The following KIF6 variants were observed in gnomAD, a reference collection of about 807,000 sequenced individuals.
The protein encoded by KIF6 is kinesin-like protein KIF6.
In KIF6, 106 loss-of-function variants were observed where a neutral mutation model predicts 112.7. That is an observed-to-expected ratio of 0.94 (90% CI 0.80 to 1.11). KIF6 has a LOEUF of 1.11. KIF6 is among the 50% of genes least tolerant of loss of function. KIF6 has a pLI of 0.00. For synonymous variants in KIF6, 339 were observed against 339.9 expected (o/e 1.00, Z 0.03); for missense variants, 929 against 964.0 (o/e 0.96, Z 0.48).
chr6:39,439,756 T>C (rs1308321881), intron 13 of KIF6, among the ~76,000 whole-genome samples: 1 of 152,058 alleles, frequency 6.6e-6, no homozygotes, highest in Non-Finnish European at 1.5e-5. Context: ...TACAACTTGG[T>C]ACTTTGGGAA....
chr6:39,510,670 G>A, intron 13 of KIF6, among the ~76,000 whole-genome samples: 1 of 151,980 alleles, frequency 6.6e-6, no homozygotes, highest in Non-Finnish European at 1.5e-5. Context: ...GCATCATAAT[G>A]GCAGGATCAA....
intron 13 of KIF6, among the ~76,000 whole-genome samples, chr6:39,513,543 A>G (rs1360382213): frequency 6.6e-6 from 1 of 152,134 alleles, no homozygotes; most frequent in Non-Finnish European, 1.5e-5. Context: ...TCCCACTCAG[A>G]CTTCCCTCTC....
At chr6:39,423,427 T>C (rs979926684) in intron 14 of KIF6, among the ~76,000 whole-genome samples, 1 of 152,116 alleles carries the variant, frequency 6.6e-6, no homozygotes, top group Non-Finnish European at 1.5e-5. Context: ...GTTCCTTGAA[T>C]GTTGATAATC....
In KIF6 at chr6:39,528,679, C is replaced by T. The variant is rs114913792; in HGVS notation, c.1645+11324G>A. ...ATAATAGCTATTCTGACAGGTGTGACTTGGTATCTTATTGCAGTTTTTAAT... is the reference window on the plus strand; with the variant it reads ...ATAATAGCTATTCTGACAGGTGTGATTTGGTATCTTATTGCAGTTTTTAAT... On this transcript the variant is annotated intron_variant, in intron 13 of 22. Coordinates refer to ENST00000287152, the MANE Select transcript of KIF6 (RefSeq NM_145027.6). Among the ~76,000 whole-genome samples, 970 of 152,242 alleles carry T rather than the reference C, an allele frequency of 6.4e-3. 11 individuals are homozygous for T. Among genetic ancestry groups the T allele is most frequent in the African/African-American group, 0.022 (929 of 41,512 alleles).
At chr6:39,416,773 GAGAAA>G (rs1361972519) in intron 15 of KIF6, among the ~76,000 whole-genome samples, 4 of 152,236 alleles carry the variant, frequency 2.6e-5, no homozygotes, top group Non-Finnish European at 5.9e-5. Flanking sequence ...CACAATGTCA[GAGAAA>G]AAACAAACTA....
chr6:39,460,888 T>C (rs987343290), intron 13 of KIF6, among the ~76,000 whole-genome samples: 3 of 152,240 alleles, frequency 2.0e-5, no homozygotes, highest in African/African-American at 7.2e-5. Context: ...TACTGCTTCC[T>C]TGGCTTAGAA....
At position 39,634,849 on chromosome 6, in the gene KIF6, G is replaced by A. The variant is rs764035532; in HGVS notation, c.509C>T (p.Pro170Leu). ...CATTCTTTGTTGTTCTGCTACTCAC[G>A]GCAAATCTTCCAAACTGGAGGCTTC... ...RHEASSLEDL[P>L]KVTILEDPDQ... Residue 170 changes from proline to leucine, a missense_variant and splice_region_variant, in exon 5 of 23, where the codon CCG (proline) becomes CTG (leucine). This residue lies in a region of KIF6 where 688 missense variants were observed against 662.7 expected (regional missense o/e 1.04). Coordinates refer to ENST00000287152, the MANE Select transcript of KIF6 (RefSeq NM_145027.6). 4.5e-6 allele frequency: 7 copies of A among 1,570,646 alleles called. No individual in the cohort carries two copies. Among genetic ancestry groups the A allele is most frequent in the Admixed American group, 3.3e-5 (2 of 59,872 alleles).
intron 13 of KIF6, among the ~76,000 whole-genome samples, chr6:39,460,682 T>C (rs1187645761): frequency 2.0e-5 from 3 of 152,044 alleles, no homozygotes; most frequent in Admixed American, 2.0e-4. Context: ...TTTTACCATA[T>C]TGAGAGAAAA....
rs961240429 is a variant in KIF6 at position 39,558,137 on chromosome 6, A to G, written c.1182-12449T>C. On this transcript the variant is annotated intron_variant, in intron 10 of 22. Coordinates refer to ENST00000287152, the MANE Select transcript of KIF6 (RefSeq NM_145027.6). ...ATTCAAGTTACTTTCCTTAAGCTAT[A>G]GGAGAGAGATATACCATACTTGCTG... Among the ~76,000 whole-genome samples, 3 of 152,180 alleles carry G rather than the reference A, an allele frequency of 2.0e-5. 1 individual carries two copies. Among genetic ancestry groups the G allele is most frequent in the Admixed American group, 2.0e-4 (3 of 15,290 alleles).
chr6:39,510,221 G>A (rs371575491), intron 13 of KIF6, among the ~76,000 whole-genome samples: 58 of 151,576 alleles, frequency 3.8e-4, no homozygotes, highest in African/African-American at 1.4e-3. Flanking sequence ...AGCCTCCCGA[G>A]TACTGGGTCT....
At chr6:39,544,445 G>A (rs976887110) in intron 12 of KIF6, 110 bp downstream of exon 12, 2 of 1,131,640 alleles carry the variant, frequency 1.8e-6, no homozygotes, top group African/African-American at 1.6e-5. Flanking sequence ...AAGAAGCAAT[G>A]TGAAATGGAA....
chr6:39,588,367 C>T (rs1018401302), intron 7 of KIF6, among the ~76,000 whole-genome samples: 5 of 152,048 alleles, frequency 3.3e-5, no homozygotes, highest in Admixed American at 3.3e-4. Context: ...GCGTGCACCA[C>T]CACACCCAGC....
At chr6:39,608,882 C>G (rs1161804432) in intron 6 of KIF6, among the ~76,000 whole-genome samples, 1 of 152,168 alleles carries the variant, frequency 6.6e-6, no homozygotes, top group Non-Finnish European at 1.5e-5. Context: ...AACTGATGAC[C>G]TACTAGTTGC....
intron 3 of KIF6, among the ~76,000 whole-genome samples, chr6:39,704,294 T>C (rs953669385): frequency 1.3e-5 from 2 of 152,162 alleles, no homozygotes; most frequent in African/African-American, 4.8e-5. Context: ...GAGGTAGATA[T>C]TACAGTATCA....
At chr6:39,386,098 A>G (rs1471632752) in intron 15 of KIF6, among the ~76,000 whole-genome samples, 4 of 152,226 alleles carry the variant, frequency 2.6e-5, no homozygotes, top group Non-Finnish European at 5.9e-5. Flanking sequence ...ATAAAAAAAG[A>G]TGGTGGTTTT....
At chr6:39,529,648 G>T (rs929027032) in intron 13 of KIF6, among the ~76,000 whole-genome samples, 1 of 152,088 alleles carries the variant, frequency 6.6e-6, no homozygotes, top group Non-Finnish European at 1.5e-5. Context: ...TTAGCCAGGC[G>T]TGGTGGTGGG....
At chr6:39,544,456 G>A in intron 12 of KIF6, 99 bp downstream of exon 12, 1 of 1,235,882 alleles carries the variant, frequency 8.1e-7, no homozygotes, top group Non-Finnish European at 1.1e-6. Flanking sequence ...TGAAATGGAA[G>A]CTGGGTGGGG....
At chr6:39,652,384 G>A (rs749744698) in intron 3 of KIF6, among the ~76,000 whole-genome samples, 2 of 151,886 alleles carry the variant, frequency 1.3e-5, no homozygotes, top group Admixed American at 6.6e-5. Context: ...CAAATTAGCC[G>A]GGCGTGGTGG....
chr6:39,363,192 C>G (rs1485028820), intron 16 of KIF6, among the ~76,000 whole-genome samples: 5 of 152,032 alleles, frequency 3.3e-5, no homozygotes, highest in Non-Finnish European at 7.4e-5. Flanking sequence ...AAACAAAAGC[C>G]CTTCACAAAA....
Sources: gnomAD v4.1 joint callset for allele counts (sites outside exome capture counted in the v4.1 genomes callset) on GRCh38, gnomAD v4.1.1 for gene constraint, gnomAD v4.1.1 regional missense constraint, MANE v1.5 for transcripts, NCBI Gene and HGNC (gene_info 2026-07-23, HGNC 2026-07-21) for gene names.